KLHL1: variants seen among roughly 807,000 people sequenced by gnomAD.
The protein encoded by KLHL1 is kelch like family member 1.
KLHL1 carries 47 observed loss-of-function variants against 77.7 expected under a neutral mutation model. The ratio of observed to expected loss-of-function variants is 0.60; its 90% confidence interval spans 0.48 to 0.77. The LOEUF (loss-of-function observed/expected upper bound fraction) is 0.77, where lower values mean the gene tolerates loss of function less well. KLHL1 is among the 30% of genes least tolerant of loss of function. KLHL1 has a pLI of 0.00. For synonymous variants in KLHL1, 360 were observed against 325.2 expected, an observed-to-expected ratio of 1.11 and a Z score of -1.15; for missense variants, 925 against 910.8, an observed-to-expected ratio of 1.02 and a Z score of -0.20.
chr13:69,916,724 AAAAC>A (rs1882455773), intron 4 of KLHL1, among the ~76,000 whole-genome samples: 1 of 152,138 alleles, frequency 6.6e-6, no homozygotes, highest in African/African-American at 2.4e-5. Context: ...CATGTACCCT[AAAAC>A]TTAAAGTATA....
intron 7 of KLHL1, among the ~76,000 whole-genome samples, chr13:69,747,250 G>C (rs964979091): frequency 5.3e-5 from 8 of 152,016 alleles, no homozygotes; most frequent in Non-Finnish European, 1.2e-4. Context: ...AAATTTGTGA[G>C]TTAGCTTTTA....
chr13:69,974,582 TA>T (rs1188243832), intron 2 of KLHL1, among the ~76,000 whole-genome samples: 1 of 151,958 alleles, frequency 6.6e-6, no homozygotes, highest in Non-Finnish European at 1.5e-5. Flanking sequence ...CCCATCTTTT[TA>T]AAAAATTAAT....
intron 1 of KLHL1, among the ~76,000 whole-genome samples, chr13:70,024,228 G>A (rs1885874981): frequency 6.6e-6 from 1 of 151,888 alleles, no homozygotes; most frequent in Admixed American, 6.6e-5. Context: ...AACTGAATTA[G>A]CAAATGACCC....
chr13:69,785,254 A>C (rs1876467981), intron 7 of KLHL1, among the ~76,000 whole-genome samples: 1 of 152,136 alleles, frequency 6.6e-6, no homozygotes, highest in Non-Finnish European at 1.5e-5. Flanking sequence ...CATAGTTGGA[A>C]GTAAAGCACT....
intron 1 of KLHL1, among the ~76,000 whole-genome samples, chr13:69,989,316 C>G (rs978864703): frequency 1.3e-5 from 2 of 151,620 alleles, no homozygotes; most frequent in African/African-American, 4.8e-5. Flanking sequence ...TTGGTCTATG[C>G]GTCTCTTTTT....
intron 1 of KLHL1, among the ~76,000 whole-genome samples, chr13:70,048,144 T>C (rs2137388209): frequency 6.6e-6 from 1 of 152,300 alleles, no homozygotes; most frequent in South Asian, 2.1e-4. Flanking sequence ...ACAAGTTACA[T>C]TTTTGGCAAC....
At chr13:69,742,236 C>T (rs1234755353) in intron 7 of KLHL1, among the ~76,000 whole-genome samples, 2 of 152,034 alleles carry the variant, frequency 1.3e-5, no homozygotes, top group Admixed American at 6.6e-5. Context: ...ACCCATTGCT[C>T]GGGAAGGAGA....
At chr13:70,037,743 G>C (rs1452870103) in intron 1 of KLHL1, among the ~76,000 whole-genome samples, 8 of 151,970 alleles carry the variant, frequency 5.3e-5, no homozygotes, top group Non-Finnish European at 1.0e-4. Flanking sequence ...TTCCAGTTCA[G>C]AAGTTTTTTC....
chr13:70,033,214 A>G (rs1000379512), intron 1 of KLHL1, among the ~76,000 whole-genome samples: 1 of 152,164 alleles, frequency 6.6e-6, no homozygotes, highest in African/African-American at 2.4e-5. Flanking sequence ...AATGAGGGAA[A>G]AGTCTCATTT....
chr13:69,788,075 A>C (rs1325099451), intron 7 of KLHL1, among the ~76,000 whole-genome samples: 221 of 150,420 alleles, frequency 1.5e-3, no homozygotes, highest in African/African-American at 5.0e-3. Context: ...ACTGTAAACT[A>C]GTTCAACCAT....
chr13:69,820,103 T>C (rs1447740818), intron 6 of KLHL1, among the ~76,000 whole-genome samples: 1 of 152,280 alleles, frequency 6.6e-6, no homozygotes, highest in South Asian at 2.1e-4. Flanking sequence ...AAGTAGGATC[T>C]TGCAGGGCCC....
chr13:69,930,103 C>G (rs1405909287), intron 4 of KLHL1, among the ~76,000 whole-genome samples: 1 of 151,786 alleles, frequency 6.6e-6, no homozygotes, highest in Non-Finnish European at 1.5e-5. Context: ...TCCAAAGATG[C>G]ACTTTGAGAA....
At chr13:69,955,587 A>C (rs1883841249) in intron 3 of KLHL1, among the ~76,000 whole-genome samples, 1 of 151,216 alleles carries the variant, frequency 6.6e-6, no homozygotes, top group Non-Finnish European at 1.5e-5. Flanking sequence ...ATTTTCTTAC[A>C]CATCAATGAA....
intron 7 of KLHL1, among the ~76,000 whole-genome samples, chr13:69,756,166 G>A: frequency 6.6e-6 from 1 of 152,124 alleles, no homozygotes; most frequent in East Asian, 1.9e-4. Flanking sequence ...TGAGGCAGTT[G>A]TTAATAGTCT....
At chr13:69,871,921 C>T (rs1284573915) in intron 5 of KLHL1, among the ~76,000 whole-genome samples, 1 of 151,808 alleles carries the variant, frequency 6.6e-6, no homozygotes, top group Non-Finnish European at 1.5e-5. Context: ...TTTTTTAAGC[C>T]CTCCAAACTT....
chr13:69,899,785 C>T (rs1881792838), intron 4 of KLHL1, among the ~76,000 whole-genome samples: 1 of 152,080 alleles, frequency 6.6e-6, no homozygotes, highest in Admixed American at 6.5e-5. Context: ...CACAAAGAAT[C>T]TTTCTTGAGT....
chr13:69,926,201 T>C (rs1246472667), intron 4 of KLHL1, among the ~76,000 whole-genome samples: 3 of 152,218 alleles, frequency 2.0e-5, no homozygotes, highest in African/African-American at 7.2e-5. Flanking sequence ...GTTTTCGTGA[T>C]GTGGATTGAT....
intron 1 of KLHL1, among the ~76,000 whole-genome samples, chr13:70,086,524 G>A (rs1291987776): frequency 7.8e-6 from 1 of 128,420 alleles, no homozygotes; most frequent in African/African-American, 3.0e-5. Flanking sequence ...ATTGAACCAA[G>A]ATCCTGCCAT....
intron 5 of KLHL1, among the ~76,000 whole-genome samples, chr13:69,854,866 C>A (rs1879826395): frequency 6.6e-6 from 1 of 152,038 alleles, no homozygotes; most frequent in African/African-American, 2.4e-5. Context: ...CAAGAAAATT[C>A]TTAATTGTAA....
Sources: allele counts gnomAD v4.1 joint callset (sites outside exome capture counted in the v4.1 genomes callset), GRCh38; gene constraint gnomAD v4.1.1; transcripts MANE v1.5; gene names NCBI Gene and HGNC (gene_info 2026-07-23, HGNC 2026-07-21).